The following NPSR1 variants were observed in gnomAD, a reference collection of about 807,000 sequenced individuals.
NPSR1 encodes the protein neuropeptide S receptor 1.
Under a neutral mutation model 46.9 loss-of-function variants are expected in NPSR1, and 48 were observed. That is an observed-to-expected ratio of 1.02 (90% confidence interval 0.81 to 1.30). The LOEUF (loss-of-function observed/expected upper bound fraction) is 1.30, where lower values mean the gene tolerates loss of function less well. Among genes scored for constraint, NPSR1 ranks in the 50% most tolerant of loss-of-function variants. The pLI is 0.00. For synonymous variants in NPSR1, 176 were observed against 168.1 expected, an observed-to-expected ratio of 1.05 and a Z score of -0.36; for missense variants, 450 against 449.5, an observed-to-expected ratio of 1.00 and a Z score of -0.01.
At chr7:34,758,461 C>T (rs1785990053) in intron 2 of NPSR1, among the ~76,000 whole-genome samples, 1 of 152,276 alleles carries the variant, frequency 6.6e-6, no homozygotes, top group East Asian at 1.9e-4. Flanking sequence ...TAACAGCAGC[C>T]CTTGCTCAAC....
intron 1 of NPSR1, among the ~76,000 whole-genome samples, chr7:34,672,207 C>T (rs905829132): frequency 6.6e-6 from 1 of 152,192 alleles, no homozygotes; most frequent in African/African-American, 2.4e-5. Context: ...ACTACATAGA[C>T]TTGAAGCCCA....
chr7:34,720,246 C>A (rs1251483052), intron 2 of NPSR1, among the ~76,000 whole-genome samples: 3 of 150,494 alleles, frequency 2.0e-5, no homozygotes. Context: ...CACAACTACA[C>A]TCCCGCCTGG....
intron 2 of NPSR1, among the ~76,000 whole-genome samples, chr7:34,694,874 T>G (rs557725734): frequency 7.2e-5 from 11 of 152,304 alleles, no homozygotes; most frequent in African/African-American, 2.4e-4. Context: ...CATGCCCAGC[T>G]AATTTTTGTA....
At chr7:34,825,298 G>A (rs1382789233) in intron 4 of NPSR1, among the ~76,000 whole-genome samples, 1 of 152,196 alleles carries the variant, frequency 6.6e-6, no homozygotes, top group Non-Finnish European at 1.5e-5. Flanking sequence ...ATCCAGTGAA[G>A]ATGTTGACAC....
chr7:34,679,667 G>T (rs1048567164), intron 1 of NPSR1, among the ~76,000 whole-genome samples: 1 of 152,072 alleles, frequency 6.6e-6, no homozygotes, highest in Non-Finnish European at 1.5e-5. Context: ...AGAACCTATT[G>T]ATGATGATAA....
intron 3 of NPSR1, among the ~76,000 whole-genome samples, chr7:34,795,802 A>G (rs980628215): frequency 2.6e-5 from 4 of 152,120 alleles, no homozygotes; most frequent in African/African-American, 4.8e-5. Context: ...GGAAGATTCA[A>G]TATTGTCAAG....
At chr7:34,852,692 G>A (rs1398285746), downstream of NPSR1, among the ~76,000 whole-genome samples, 2 of 152,150 alleles carry the variant, frequency 1.3e-5, no homozygotes, top group Non-Finnish European at 2.9e-5. Flanking sequence ...AAAATTAGAA[G>A]CTTAGTGCTG....
At chr7:34,854,144 A>T (rs1217757171), downstream of NPSR1, among the ~76,000 whole-genome samples, 2 of 152,230 alleles carry the variant, frequency 1.3e-5, no homozygotes, top group African/African-American at 4.8e-5. Flanking sequence ...TCATCACTAA[A>T]ATAGTAGAAA....
chr7:34,807,468 T>C (rs73327778), intron 3 of NPSR1, among the ~76,000 whole-genome samples: 10,424 of 152,272 alleles, frequency 0.068, 1,035 homozygotes, highest in African/African-American at 0.22. Flanking sequence ...CATCATGTGT[T>C]GTATCTTTTA....
intron 2 of NPSR1, among the ~76,000 whole-genome samples, chr7:34,688,434 A>G (rs1424190486): frequency 6.6e-6 from 1 of 152,210 alleles, no homozygotes; most frequent in Non-Finnish European, 1.5e-5. Context: ...AAGCTACAAA[A>G]TAAGATTGAA....
chr7:34,799,589 C>A (rs1036226285), intron 3 of NPSR1, among the ~76,000 whole-genome samples: 6 of 150,328 alleles, frequency 4.0e-5, no homozygotes, highest in African/African-American at 1.5e-4. Context: ...AAAGGAACAA[C>A]CGGTACCAGC....
chr7:34,738,122 G>A (rs1396561937), intron 2 of NPSR1, among the ~76,000 whole-genome samples: 1 of 152,172 alleles, frequency 6.6e-6, no homozygotes, highest in African/African-American at 2.4e-5. Context: ...CATTTTTGGA[G>A]GCATAAAGAG....
At chr7:34,691,877 G>C (rs1463600407) in intron 2 of NPSR1, among the ~76,000 whole-genome samples, 1 of 152,092 alleles carries the variant, frequency 6.6e-6, no homozygotes, top group East Asian at 1.9e-4. Flanking sequence ...GCACTTTGAG[G>C]GGCTGAGGTG....
At chr7:34,843,208 A>T (rs1251978688) in intron 6 of NPSR1, among the ~76,000 whole-genome samples, 1 of 152,192 alleles carries the variant, frequency 6.6e-6, no homozygotes, top group Non-Finnish European at 1.5e-5. Flanking sequence ...AGACTGGGAA[A>T]TTTATTTTTA....
intron 1 of NPSR1, among the ~76,000 whole-genome samples, chr7:34,668,077 A>T (rs1272723960): frequency 6.6e-6 from 1 of 152,108 alleles, no homozygotes; most frequent in Non-Finnish European, 1.5e-5. Context: ...TTCCTTAAAG[A>T]AGCCAAAACT....
chr7:34,685,905 C>T (rs959945212), intron 2 of NPSR1: 3 of 245,552 alleles, frequency 1.2e-5, no homozygotes, highest in Non-Finnish European at 2.4e-5. Context: ...CCAACAAGAA[C>T]TCCAATTTTT....
rs922809022 is a variant in NPSR1 at position 34,658,330 on chromosome 7, G to T, written c.-83G>T. ...GCCTCCGTTCAGCAGAGCTGCAGCT[G>T]CTGCCCAGCTCTCAGGAGGCAAGCT... On this transcript the variant is annotated 5_prime_UTR_variant, in exon 1 of 9. Coordinates refer to ENST00000360581, the MANE Select transcript of NPSR1 (RefSeq NM_207172.2). 303 of 1,491,908 alleles carry T rather than the reference G, an allele frequency of 2.0e-4. 1 individual carries two copies. The highest frequency in any genetic ancestry group is 2.6e-4 in the Non-Finnish European group (279 of 1,086,550). 92.4% of individuals were successfully genotyped at this position (1,491,908 alleles called of 1,614,324 possible).
chr7:34,736,576 GCTTA>G (rs368092664), intron 2 of NPSR1, among the ~76,000 whole-genome samples: 9 of 151,730 alleles, frequency 5.9e-5, no homozygotes, highest in African/African-American at 1.2e-4. Context: ...TACTCTCCTT[GCTTA>G]CTTACTTACT....
At chr7:34,677,419 T>C (rs1792374018) in intron 1 of NPSR1, among the ~76,000 whole-genome samples, 1 of 152,188 alleles carries the variant, frequency 6.6e-6, no homozygotes, top group Non-Finnish European at 1.5e-5. Context: ...AGAGATATAG[T>C]CTGAAAATGT....
Sources: allele counts gnomAD v4.1 joint callset (sites outside exome capture counted in the v4.1 genomes callset), GRCh38; gene constraint gnomAD v4.1.1; transcripts MANE v1.5; gene names NCBI Gene and HGNC (gene_info 2026-07-23, HGNC 2026-07-21).